The following FBXO10 variants were observed in gnomAD, a reference collection of about 807,000 sequenced individuals.
The protein encoded by FBXO10 is F-box protein 10, also known as F-box only protein 10.
In FBXO10, 39 loss-of-function variants were observed where a neutral mutation model predicts 80.7. The observed-to-expected ratio is 0.48, with a 90% CI of 0.37 to 0.63. The LOEUF (loss-of-function observed/expected upper bound fraction) is 0.63, where lower values mean the gene tolerates loss of function less well. Ranked by LOEUF, FBXO10 falls within the 30% of genes least tolerant of loss-of-function variation. The probability of loss-of-function intolerance (pLI) is 0.00; values close to 1 mark genes in which losing one functional copy is unlikely to be tolerated. For missense variants in FBXO10, 1,025 were observed against 1,269.0 expected (o/e 0.81, Z 2.92); for synonymous variants, 449 against 489.6 (o/e 0.92, Z 1.09).
chr9:37,542,784 G>A (rs924202134), intron 1 of FBXO10, among the ~76,000 whole-genome samples: 6 of 152,142 alleles, frequency 3.9e-5, no homozygotes, highest in Non-Finnish European at 5.9e-5. Flanking sequence ...GGAATCTACA[G>A]TTCTTCCTTC....
chr9:37,541,868 G>A (rs1012868192), intron 1 of FBXO10, 94 bp from the exon 2 acceptor site: 5 of 1,091,408 alleles, frequency 4.6e-6, no homozygotes, highest in South Asian at 1.7e-5. Flanking sequence ...CACTCTTCTT[G>A]CCCAGGCTGG....
chr9:37,554,947 C>G (rs1489958290), intron 1 of FBXO10, among the ~76,000 whole-genome samples: 1 of 152,118 alleles, frequency 6.6e-6, no homozygotes, highest in Non-Finnish European at 1.5e-5. Context: ...TTTCTTGAGT[C>G]AATACTTAGG....
chr9:37,548,741 A>G (rs1822119046), intron 1 of FBXO10, among the ~76,000 whole-genome samples: 1 of 151,536 alleles, frequency 6.6e-6, no homozygotes, highest in South Asian at 2.1e-4. Context: ...TTGGATTACT[A>G]TGACAGATCC....
At chr9:37,555,384 T>C (rs1822309960) in intron 1 of FBXO10, among the ~76,000 whole-genome samples, 1 of 152,196 alleles carries the variant, frequency 6.6e-6, no homozygotes, top group Non-Finnish European at 1.5e-5. Flanking sequence ...TTTTGTCTTT[T>C]TTTTTTCAGA....
Position 37,537,944 on chromosome 9 carries a change from C to A in FBXO10, c.586-1G>T. ...CAAACTGGACGTGACCTGATGTTGT[C>A]TGGGGAATGAAAAGAAGAAAACGGC... is the stretch of plus-strand genomic sequence containing the variant. On this transcript the variant is annotated splice_acceptor_variant, in intron 2 of 10. Transcript: ENST00000432825. LOFTEE classifies it high-confidence loss of function. 1 of 1,608,644 alleles carries A rather than the reference C, an allele frequency of 6.2e-7. No homozygotes were observed. Among genetic ancestry groups the A allele is most frequent in the Non-Finnish European group, 8.5e-7 (1 of 1,176,292 alleles).
chr9:37,533,034 C>T (rs1389606099), intron 3 of FBXO10, among the ~76,000 whole-genome samples: 1 of 152,218 alleles, frequency 6.6e-6, no homozygotes, highest in Non-Finnish European at 1.5e-5. Flanking sequence ...ACTACTGAGA[C>T]TCCAAATGAA....
At chr9:37,553,308 G>T (rs1259133778) in intron 1 of FBXO10, among the ~76,000 whole-genome samples, 1 of 152,042 alleles carries the variant, frequency 6.6e-6, no homozygotes. Flanking sequence ...CAAAGTGCTG[G>T]GATTACAGGC....
At position 37,518,135 on chromosome 9, in the gene FBXO10, G is replaced by T. The variant is rs767298585; in HGVS notation, c.2504C>A (p.Ser835Tyr). 1 of 1,612,766 alleles carries T rather than the reference G, an allele frequency of 6.2e-7. No individual in the cohort carries two copies. Among genetic ancestry groups the T allele is most frequent in the Non-Finnish European group, 8.5e-7 (1 of 1,179,254 alleles). ...RGSGLQLLPR[S>Y]DTKVIKNRIH... Reference sequence around the variant, plus strand: ...TGCAGACATACTCACTTTAGTGTCGGACCTGGGCAGCAGCTGCAGCCCGCT... The same window carrying T: ...TGCAGACATACTCACTTTAGTGTCGTACCTGGGCAGCAGCTGCAGCCCGCT... Residue 835 changes from serine to tyrosine, a missense_variant, in exon 9 of 11, where the codon TCC (serine) becomes TAC (tyrosine). Ser to Tyr is a moderately radical substitution (Grantham distance 144). Coordinates refer to ENST00000432825, the MANE Select transcript of FBXO10 (RefSeq NM_012166.3).
chr9:37,525,191 A>G lies in FBXO10; in HGVS notation c.1707-19T>C, dbSNP rs777529917. 2 of 1,556,024 alleles carry G rather than the reference A, an allele frequency of 1.3e-6. No individual in the cohort carries two copies. The highest frequency in any genetic ancestry group is 2.4e-5 in the South Asian group (2 of 84,242). On this transcript the variant is annotated intron_variant, in intron 5 of 10. Coordinates refer to ENST00000432825, the MANE Select transcript of FBXO10 (RefSeq NM_012166.3). ...GTTCCCGCTAAAGTGGAAGGAAAAC[A>G]AAACAAAGAGGTGAGCCCAGGGCAT...
At chr9:37,565,590 T>G (rs996720637) in intron 1 of FBXO10, among the ~76,000 whole-genome samples, 4 of 152,196 alleles carry the variant, frequency 2.6e-5, no homozygotes, top group African/African-American at 9.7e-5. Context: ...GATTTGGCAT[T>G]TTAACAACAT....
chr9:37,528,990 A>G, intron 5 of FBXO10, 134 bp downstream of exon 5: 1 of 1,198,330 alleles, frequency 8.3e-7, no homozygotes, highest in East Asian at 2.5e-5. Context: ...CCGCTGTGTT[A>G]CTGGGGTGGG....
At chr9:37,529,852 T>TC (rs1218496795) in intron 4 of FBXO10, among the ~76,000 whole-genome samples, 7 of 151,748 alleles carry the variant, frequency 4.6e-5, no homozygotes, top group Admixed American at 2.6e-4. Context: ...TTTTTTTTTT[T>TC]TGGTAGAGAC....
intron 1 of FBXO10, chr9:37,575,415 A>C (rs574690051): frequency 6.6e-6 from 1 of 152,228 alleles, no homozygotes; most frequent in Non-Finnish European, 1.5e-5. Flanking sequence ...TCTCTAGCTT[A>C]CTAATAATGC....
rs776577678 is a variant in FBXO10, at chr9:37,512,658, A to G, written c.2760T>C (p.Arg920=). 1.2e-6 allele frequency: 2 copies of G among 1,613,824 alleles called. No individual in the cohort carries two copies. Among genetic ancestry groups the G allele is most frequent in the Non-Finnish European group, 1.7e-6 (2 of 1,179,842 alleles). ...TCTGCCCATTGTGGGCTGCCGAGGG[A>G]CGTCTGAGAGAATTTTCAAGGTGGG... ...ARPHLENSLR[R]PSAAHNGQKV... The change falls in exon 11 of 11, where the codon CGT becomes CGC. Residue 920 remains arginine (R), a synonymous_variant. Coordinates refer to ENST00000432825, the MANE Select transcript of FBXO10 (RefSeq NM_012166.3).
Position 37,541,442 on chromosome 9 carries a change from G to A in FBXO10, c.327C>T (p.Thr109=). The A allele has an allele frequency of 6.2e-7, 1 of 1,614,012 alleles. No homozygotes were observed. The highest frequency in any genetic ancestry group is 8.5e-7 in the Non-Finnish European group (1 of 1,179,898). Residue 109 remains threonine (T), a synonymous_variant, in exon 2 of 11, where the codon ACC becomes ACT. Transcript: ENST00000432825. ...ACTCACGGCCTGGCCCAACACTCAG[G>A]GTACGTCGTTCCCTCCTCCGGCGGA... ...SLFRRRRERR[T]LSVGPGREFD... is the part of the protein sequence containing the mutation.
chr9:37,560,690 C>T (rs1370031958), intron 1 of FBXO10, among the ~76,000 whole-genome samples: 1 of 151,842 alleles, frequency 6.6e-6, no homozygotes, highest in Non-Finnish European at 1.5e-5. Flanking sequence ...CCACTGGGGC[C>T]TCTGCATGTG....
intron 8 of FBXO10, among the ~76,000 whole-genome samples, chr9:37,518,784 GTGCTCACTGCCGCCTCAAGGC>G (rs949845424): frequency 2.6e-5 from 4 of 152,126 alleles, no homozygotes; most frequent in African/African-American, 9.7e-5. Flanking sequence ...CCCTGACGGG[GTGCTCACTGCCGCCTCAAGGC>G]TGCTCACTCC....
chr9:37,542,055 C>T (rs1156689763), intron 1 of FBXO10, among the ~76,000 whole-genome samples: 2 of 151,836 alleles, frequency 1.3e-5, no homozygotes, highest in African/African-American at 4.8e-5. Context: ...TCTCAAATTC[C>T]CGACCTCAGG....
intron 1 of FBXO10, chr9:37,575,688 T>C (rs1183944260): frequency 6.6e-6 from 1 of 152,248 alleles, no homozygotes; most frequent in Non-Finnish European, 1.5e-5. Context: ...ACAGGGGTTA[T>C]CACTTTTTGT....
Sources: allele counts gnomAD v4.1 joint callset (sites outside exome capture counted in the v4.1 genomes callset), GRCh38; gene constraint gnomAD v4.1.1; transcripts MANE v1.5; gene names NCBI Gene and HGNC (gene_info 2026-07-23, HGNC 2026-07-21).